Variants in PSD2 observed in about 807,000 individuals in gnomAD.
The protein encoded by PSD2 is pleckstrin and Sec7 domain containing 2.
In PSD2, 38 loss-of-function variants were observed where a neutral mutation model predicts 69.8. The ratio of observed to expected loss-of-function variants is 0.54; its 90% CI spans 0.42 to 0.71. The LOEUF (loss-of-function observed/expected upper bound fraction) is 0.71, where lower values mean the gene tolerates loss of function less well. Among genes scored for constraint, PSD2 ranks in the 30% least tolerant of loss-of-function variants. The pLI is 0.00. For missense variants in PSD2, 943 were observed against 1,014.5 expected (o/e 0.93, Z 0.96); for synonymous variants, 412 against 423.0 (o/e 0.97, Z 0.32).
intron 1 of PSD2, among the ~76,000 whole-genome samples, chr5:139,800,627 C>T (rs561919551): frequency 4.6e-5 from 7 of 152,354 alleles, no homozygotes; most frequent in South Asian, 2.1e-4. Context: ...TTCCTTTCAG[C>T]GGATAATCTT....
chr5:139,755,390 G>A, the PSD2 span, among the ~76,000 whole-genome samples: 1 of 152,116 alleles, frequency 6.6e-6, no homozygotes, highest in Non-Finnish European at 1.5e-5. Context: ...GTCCCAGCAT[G>A]CCTGGGTGTT....
the PSD2 span, among the ~76,000 whole-genome samples, chr5:139,767,962 C>T: frequency 6.6e-6 from 1 of 152,248 alleles, no homozygotes; most frequent in Non-Finnish European, 1.5e-5. Context: ...AGTCCTCTGC[C>T]TCAGCTAGGG....
chr5:139,805,528 T>C (rs1180200562), intron 1 of PSD2, among the ~76,000 whole-genome samples: 1 of 152,082 alleles, frequency 6.6e-6, no homozygotes, highest in Non-Finnish European at 1.5e-5. Context: ...AGTACAGAGA[T>C]AGGCAGGGAA....
the PSD2 span, among the ~76,000 whole-genome samples, chr5:139,778,299 C>T: frequency 6.6e-6 from 1 of 152,170 alleles, no homozygotes; most frequent in Admixed American, 6.5e-5. Flanking sequence ...CATTAAGGCC[C>T]CCCAAGAACT....
At chr5:139,755,195 T>A in the PSD2 span, among the ~76,000 whole-genome samples, 8 of 152,178 alleles carry the variant, frequency 5.3e-5, no homozygotes, top group Admixed American at 5.2e-4. Flanking sequence ...GGTAGATGGA[T>A]CCTCTGGGGT....
At chr5:139,779,475 T>TACATTTTGACCCCCAA in the PSD2 span, among the ~76,000 whole-genome samples, 2 of 152,358 alleles carry the variant, frequency 1.3e-5, no homozygotes, top group Non-Finnish European at 1.5e-5. Flanking sequence ...CAGCTATCAG[T>TACATTTTGACCCCCAA]ACACTTTGAC....
chr5:139,774,140 T>A, the PSD2 span, among the ~76,000 whole-genome samples: 5 of 151,932 alleles, frequency 3.3e-5, no homozygotes, highest in African/African-American at 4.8e-5. Flanking sequence ...TTTTTTTTGA[T>A]GTGCATTGTC....
the PSD2 span, chr5:139,775,142 AGCC>A: frequency 6.6e-6 from 1 of 152,470 alleles, no homozygotes; most frequent in East Asian, 1.9e-4. Flanking sequence ...CAAGAAGAAC[AGCC>A]AACACTTCGA....
chr5:139,810,689 C>G (rs1759934944), intron 2 of PSD2, among the ~76,000 whole-genome samples: 1 of 152,142 alleles, frequency 6.6e-6, no homozygotes, highest in Non-Finnish European at 1.5e-5. Flanking sequence ...CTCTAAGTCT[C>G]CATGGGCAGG....
chr5:139,762,574 T>G, the PSD2 span, among the ~76,000 whole-genome samples: 3 of 152,226 alleles, frequency 2.0e-5, no homozygotes, highest in African/African-American at 7.2e-5. Context: ...TCAATAATTG[T>G]TGCCTATTGT....
intron 5 of PSD2, 138 bp from the exon 6 acceptor site, chr5:139,821,755 G>T: frequency 1.9e-6 from 1 of 524,836 alleles, no homozygotes; most frequent in Non-Finnish European, 3.4e-6. Context: ...TCCTGGGCGT[G>T]GAGAGAGCAT....
rs115794874 is a variant in PSD2, at chr5:139,837,539, G to A, written c.1666-86G>A. 979 of 1,385,000 alleles carry A rather than the reference G, an allele frequency of 7.1e-4. 5 individuals are homozygous for A. The African/African-American group carries it at 0.012, about 17-fold the overall frequency. The allele number at this position is 1,385,000 out of a possible 1,614,324, so 85.8% of individuals were successfully genotyped here. ...GCAGGAACAGAAAATTAAGGGAGCC[G>A]TAGGGTTAGACAGAGAGCAGTGAGG... On this transcript the variant is annotated intron_variant, in intron 11 of 14. Coordinates refer to ENST00000274710, the MANE Select transcript of PSD2 (RefSeq NM_032289.4). This position sits in a 1 kb window ranked among gnomAD's most constrained non-coding sequence, Gnocchi z 5.0.
chr5:139,772,336 T>C, the PSD2 span, among the ~76,000 whole-genome samples: 1 of 152,180 alleles, frequency 6.6e-6, no homozygotes, highest in Non-Finnish European at 1.5e-5. Flanking sequence ...CCAAGGACTG[T>C]TGAGAGCATT....
At chr5:139,743,063 G>A in the PSD2 span, among the ~76,000 whole-genome samples, 8 of 152,200 alleles carry the variant, frequency 5.3e-5, no homozygotes, top group Admixed American at 5.2e-4. Context: ...TCATTTCCCG[G>A]CAAGCTGAGA....
At chr5:139,785,650 A>AG in the PSD2 span, among the ~76,000 whole-genome samples, 1 of 152,310 alleles carries the variant, frequency 6.6e-6, no homozygotes, top group South Asian at 2.1e-4. Context: ...ATGATTCAGG[A>AG]GGGCAAGGAT....
In PSD2 at chr5:139,842,353, G is replaced by A. The variant is rs764750179; in HGVS notation, c.2195G>A (p.Arg732Gln). 2.2e-5 allele frequency: 35 copies of A among 1,614,064 alleles called. No individual in the cohort carries two copies. Among genetic ancestry groups the A allele is most frequent in the African/African-American group, 6.7e-5 (5 of 74,916 alleles). ...GSDDLERIEA[R>Q]LATLEGDDPS... ...GATGATCTGGAGCGGATTGAGGCCC[G>A]GCTGGCCACTCTGGAAGGGGATGAC... The change falls in exon 15 of 15, where the codon CGG becomes CAG. Residue 732 changes from arginine (R) to glutamine (Q), a missense_variant. Arg to Gln is a conservative substitution (Grantham distance 43). Around this residue, in one of 3 missense-constraint regions of PSD2, gnomAD observed 165 missense variants for 168.8 expected, o/e 0.98. Transcript: ENST00000274710.
In PSD2 at chr5:139,813,350, G is replaced by T; in HGVS notation, c.413G>T (p.Ser138Ile). The change falls in exon 3 of 15, where the codon AGC (serine) becomes ATC (isoleucine). Residue 138 changes from serine (S) to isoleucine (I), a missense_variant. Around this residue, in one of 3 missense-constraint regions of PSD2, gnomAD observed 466 missense variants for 445.0 expected, o/e 1.05. Transcript: ENST00000274710. ...GAGCCAGATGTGCGGGATGGCTTCA[G>T]CGCCACGTTTGAGAAGATTCTGGAG... ...PGEPDVRDGF[S>I]ATFEKILESE... 1 of 1,580,820 alleles carries T rather than the reference G, an allele frequency of 6.3e-7. No individual in the cohort carries two copies. Among genetic ancestry groups the T allele is most frequent in the Non-Finnish European group, 8.6e-7 (1 of 1,157,310 alleles).
At chr5:139,822,179 G>A (rs561581924) in intron 6 of PSD2, among the ~76,000 whole-genome samples, 174 bp downstream of exon 6, 10 of 152,326 alleles carry the variant, frequency 6.6e-5, no homozygotes, top group South Asian at 2.1e-4. Flanking sequence ...TATGGCACAC[G>A]GTCTGCCTGC....
chr5:139,792,867 C>T (rs921606683), upstream of PSD2, among the ~76,000 whole-genome samples: 2 of 94,218 alleles, frequency 2.1e-5, no homozygotes, highest in South Asian at 3.4e-4. Context: ...TCTTTCCTTC[C>T]TTCCTTCCTT....
Sources: gnomAD v4.1 joint callset for allele counts (sites outside exome capture counted in the v4.1 genomes callset) on GRCh38, gnomAD v4.1.1 for gene constraint, gnomAD v4.1.1 regional missense constraint, Gnocchi (gnomAD v3.1) non-coding constraint, MANE v1.5 for transcripts, NCBI Gene and HGNC (gene_info 2026-07-23, HGNC 2026-07-21) for gene names.